Variants in KIZ observed in about 807,000 individuals in gnomAD.
KIZ encodes centrosomal protein kizuna.
KIZ carries 68 observed loss-of-function variants against 79.6 expected under a neutral mutation model. The observed-to-expected ratio is 0.85, with a 90% CI of 0.70 to 1.05. The LOEUF is 1.05. KIZ is among the 50% of genes least tolerant of loss of function. The pLI, the probability that KIZ is intolerant of heterozygous loss-of-function variation, is 0.00. For missense variants in KIZ, 797 were observed against 800.4 expected (o/e 1.00, Z 0.05); for synonymous variants, 280 against 281.8 (o/e 0.99, Z 0.06).
At chr20:21,234,773 T>TAA (rs537068910) in intron 11 of KIZ, among the ~76,000 whole-genome samples, 114 of 97,180 alleles carry the variant, frequency 1.2e-3, no homozygotes, top group African/African-American at 2.6e-3. Flanking sequence ...CCACTGGACC[T>TAA]AAAAAAAAAA....
At chr20:21,177,928 A>G (rs1434803285) in intron 6 of KIZ, among the ~76,000 whole-genome samples, 5 of 152,014 alleles carry the variant, frequency 3.3e-5, no homozygotes, top group East Asian at 1.9e-4. Context: ...TGAATGTTCC[A>G]TTGGTCTATA....
intron 6 of KIZ, among the ~76,000 whole-genome samples, chr20:21,189,733 C>T (rs1185290051): frequency 6.6e-6 from 1 of 152,206 alleles, no homozygotes; most frequent in East Asian, 1.9e-4. Context: ...CTGTCAGCTT[C>T]ATCACACTGT....
At position 21,149,440 on chromosome 20, in the gene KIZ, G is replaced by A. The variant is rs573205705; in HGVS notation, c.405+3786G>A. Reference sequence around the variant, plus strand: ...TTGCAATAAAAGAAGCGTCCGTTTCGGTTGGCTTTGTTGGGCAGAAGAAAT... The same window carrying A: ...TTGCAATAAAAGAAGCGTCCGTTTCAGTTGGCTTTGTTGGGCAGAAGAAAT... On this transcript the variant is annotated intron_variant, in intron 4 of 12. Coordinates refer to ENST00000619189, the MANE Select transcript of KIZ (RefSeq NM_018474.6). Among the ~76,000 whole-genome samples the A allele has an allele frequency of 3.3e-5, 5 of 152,306 alleles. 1 individual carries two copies. The highest frequency in any genetic ancestry group is 4.1e-4 in the South Asian group (2 of 4,832).
intron 8 of KIZ, 105 bp downstream of exon 8, chr20:21,214,805 G>A (rs2036221021): frequency 6.2e-6 from 4 of 645,628 alleles, no homozygotes; most frequent in Admixed American, 5.2e-5. Context: ...GAATACCTCT[G>A]ATTTTAATAT....
At chr20:21,205,363 G>T in intron 6 of KIZ, 128 bp from the exon 7 acceptor site, 1 of 493,936 alleles carries the variant, frequency 2.0e-6, no homozygotes, top group Non-Finnish European at 3.6e-6. Context: ...AACTCCCTTA[G>T]ACCAGAATAT....
chr20:21,208,952 G>A (rs1216017520), intron 7 of KIZ, among the ~76,000 whole-genome samples: 3 of 151,952 alleles, frequency 2.0e-5, no homozygotes, highest in East Asian at 1.9e-4. Flanking sequence ...TAAATACTAC[G>A]GGTTAAATCT....
At chr20:21,166,466 T>C in intron 6 of KIZ, 1 of 1,578,830 alleles carries the variant, frequency 6.3e-7, no homozygotes, top group Non-Finnish European at 8.6e-7. Context: ...AGTGTAACCA[T>C]GCTTCATCAT....
intron 2 of KIZ, among the ~76,000 whole-genome samples, chr20:21,134,477 C>G (rs2032050420): frequency 6.6e-6 from 1 of 152,114 alleles, no homozygotes; most frequent in African/African-American, 2.4e-5. Flanking sequence ...AAGATTCATA[C>G]AAACCCTTAA....
At chr20:21,231,382 T>C (rs753917514) in intron 10 of KIZ, among the ~76,000 whole-genome samples, 65 of 152,288 alleles carry the variant, frequency 4.3e-4, no homozygotes, top group Middle Eastern at 3.4e-3. Context: ...GTCCCTTCGA[T>C]GTGTATCAGA....
At chr20:21,207,752 G>A (rs2035894336) in intron 7 of KIZ, among the ~76,000 whole-genome samples, 1 of 152,034 alleles carries the variant, frequency 6.6e-6, no homozygotes, top group Admixed American at 6.6e-5. Context: ...TGCTCAGGCT[G>A]GAGTGCAGTG....
intron 6 of KIZ, among the ~76,000 whole-genome samples, chr20:21,164,855 T>C (rs1016137737): frequency 6.6e-6 from 1 of 152,046 alleles, no homozygotes; most frequent in African/African-American, 2.4e-5. Flanking sequence ...AGAATGAAAA[T>C]GTCAGTCAGC....
intron 11 of KIZ, among the ~76,000 whole-genome samples, chr20:21,236,165 G>C (rs2036999686): frequency 6.6e-6 from 1 of 152,232 alleles, no homozygotes. Context: ...AAGAGAAAAA[G>C]TTAAGTTGAC....
At chr20:21,148,250 AT>A (rs1343052647) in intron 4 of KIZ, among the ~76,000 whole-genome samples, 1 of 152,086 alleles carries the variant, frequency 6.6e-6, no homozygotes, top group Non-Finnish European at 1.5e-5. Flanking sequence ...ATAAAAAGGT[AT>A]TTTTTAAGTG....
intron 10 of KIZ, 99 bp downstream of exon 10, chr20:21,229,214 G>T (rs1371778263): frequency 1.5e-6 from 1 of 686,100 alleles, no homozygotes; most frequent in East Asian, 2.7e-5. Flanking sequence ...TCTGGAGTTT[G>T]CTCTGTAACG....
intron 6 of KIZ, among the ~76,000 whole-genome samples, chr20:21,172,775 C>T (rs188569523): frequency 1.2e-3 from 189 of 152,306 alleles, no homozygotes; most frequent in African/African-American, 4.4e-3. Context: ...CATGCCTTCT[C>T]TATCCACTTA....
intron 6 of KIZ, among the ~76,000 whole-genome samples, chr20:21,179,483 T>C (rs951601914): frequency 3.3e-5 from 5 of 151,972 alleles, no homozygotes; most frequent in African/African-American, 1.2e-4. Flanking sequence ...TCTTAAGTAG[T>C]CTAGCTAACG....
chr20:21,180,259 G>T, intron 6 of KIZ, among the ~76,000 whole-genome samples: 1 of 148,708 alleles, frequency 6.7e-6, no homozygotes. Flanking sequence ...TTTTTAATAA[G>T]GAAATTCAGG....
At chr20:21,144,532 T>A (rs530097313) in intron 3 of KIZ, among the ~76,000 whole-genome samples, 3 of 152,244 alleles carry the variant, frequency 2.0e-5, no homozygotes, top group African/African-American at 4.8e-5. Flanking sequence ...AAATTTTCAT[T>A]TAATTGGGTA....
chr20:21,232,250 G>A (rs762806184), intron 10 of KIZ, among the ~76,000 whole-genome samples: 7 of 152,176 alleles, frequency 4.6e-5, no homozygotes, highest in Non-Finnish European at 1.0e-4. Context: ...GGTAAAGAGT[G>A]GCCTTGATGA....
Sources: allele counts gnomAD v4.1 joint callset (sites outside exome capture counted in the v4.1 genomes callset), GRCh38; gene constraint gnomAD v4.1.1; transcripts MANE v1.5; gene names NCBI Gene and HGNC (gene_info 2026-07-23, HGNC 2026-07-21).